IL34: variants seen among roughly 807,000 people sequenced by gnomAD.
IL34 encodes interleukin-34.
In IL34, 17 loss-of-function variants were observed where a neutral mutation model predicts 25.3. That is an observed-to-expected ratio of 0.67 (90% CI 0.46 to 1.01). IL34 has a LOEUF of 1.01. Ranked by LOEUF, IL34 falls within the 50% of genes least tolerant of loss-of-function variation. The pLI is 0.00. For synonymous variants in IL34, 174 were observed against 140.9 expected (o/e 1.23, Z -1.66); for missense variants, 368 against 312.9 (o/e 1.18, Z -1.33).
At chr16:70,633,373 C>T (rs748579174) in intron 1 of IL34, among the ~76,000 whole-genome samples, 1 of 151,950 alleles carries the variant, frequency 6.6e-6, no homozygotes, top group East Asian at 1.9e-4. Flanking sequence ...CCTGCCTCAG[C>T]CTCCTGAGTA....
intron 1 of IL34, among the ~76,000 whole-genome samples, chr16:70,651,577 C>A (rs1175623667): frequency 6.6e-6 from 1 of 151,856 alleles, no homozygotes; most frequent in Non-Finnish European, 1.5e-5. Flanking sequence ...AGGCAGGAGG[C>A]CTGAGCAGGG....
At position 70,660,175 on chromosome 16, in the gene IL34, C is replaced by T. The variant is rs780602039; in HGVS notation, c.717C>T (p.Gly239=). ...GGCCGGTCAGGGCACAGGGCGAGGG[C>T]CTCTTGCCCTGAGCACCCTGGATGG... The part of the protein sequence containing the change: ...SVRPVRAQGE[G]LLP Residue 239 remains glycine (G), a synonymous_variant, in exon 6 of 6, where the codon GGC becomes GGT. Coordinates refer to ENST00000288098, the MANE Select transcript of IL34 (RefSeq NM_001393494.1). 6.3e-7 allele frequency: 1 copy of T among 1,584,808 alleles called. No homozygotes were observed. The highest frequency in any genetic ancestry group is 8.6e-7 in the Non-Finnish European group (1 of 1,167,170).
rs8051559 is a variant in IL34 at position 70,657,690 on chromosome 16, G to T, written c.402+569G>T. On this transcript the variant is annotated intron_variant, in intron 4 of 5. Coordinates refer to ENST00000288098, the MANE Select transcript of IL34 (RefSeq NM_001393494.1). Reference sequence around the variant, plus strand: ...CTCAGGAGGCTGAGGCAGGAGAATCGCTTGAACCTGGGAGGCAGAGGTTGC... The same window carrying T: ...CTCAGGAGGCTGAGGCAGGAGAATCTCTTGAACCTGGGAGGCAGAGGTTGC... Among the ~76,000 whole-genome samples, 37 of 152,202 alleles carry T rather than the reference G, an allele frequency of 2.4e-4. No individual in the cohort carries two copies. The South Asian group carries it at 6.8e-3, about 28-fold the overall frequency.
At chr16:70,588,245 G>A (rs1283595567) in intron 1 of IL34, among the ~76,000 whole-genome samples, 2 of 152,082 alleles carry the variant, frequency 1.3e-5, no homozygotes, top group Non-Finnish European at 1.5e-5. Context: ...CAGCACTTTG[G>A]GAGGCTGAGG....
At chr16:70,629,221 A>G (rs1366945971) in intron 1 of IL34, among the ~76,000 whole-genome samples, 1 of 152,120 alleles carries the variant, frequency 6.6e-6, no homozygotes, top group Admixed American at 6.5e-5. Flanking sequence ...TGCATTGGCT[A>G]TTACCTTCTG....
At chr16:70,643,715 T>C (rs1235635257), upstream of IL34, among the ~76,000 whole-genome samples, 2 of 152,192 alleles carry the variant, frequency 1.3e-5, no homozygotes, top group Non-Finnish European at 2.9e-5. Flanking sequence ...ATGCAAATTA[T>C]ATATTGATTT....
intron 1 of IL34, among the ~76,000 whole-genome samples, chr16:70,594,863 C>T (rs1597737048): frequency 6.6e-6 from 1 of 151,938 alleles, no homozygotes; most frequent in Non-Finnish European, 1.5e-5. Flanking sequence ...CCAGTCTACT[C>T]TGGGCAGATT....
chr16:70,622,710 T>G (rs371228301), intron 1 of IL34, among the ~76,000 whole-genome samples: 1 of 152,008 alleles, frequency 6.6e-6, no homozygotes, highest in African/African-American at 2.4e-5. Flanking sequence ...ACAATGGTAA[T>G]TGTGGGACTT....
intron 1 of IL34, among the ~76,000 whole-genome samples, chr16:70,634,144 C>T (rs976855316): frequency 1.3e-5 from 2 of 152,058 alleles, no homozygotes; most frequent in Non-Finnish European, 2.9e-5. Flanking sequence ...AGCCACCGTG[C>T]CCTGCAATCT....
chr16:70,658,873 A>G (rs1391535539), intron 4 of IL34, among the ~76,000 whole-genome samples: 4 of 152,218 alleles, frequency 2.6e-5, no homozygotes, highest in Non-Finnish European at 5.9e-5. Context: ...ATCCAGGATG[A>G]TGTCCTTCTA....
At chr16:70,633,518 G>C (rs1408131864) in intron 1 of IL34, among the ~76,000 whole-genome samples, 1 of 152,114 alleles carries the variant, frequency 6.6e-6, no homozygotes, top group Non-Finnish European at 1.5e-5. Flanking sequence ...TCCAACCTCG[G>C]CCTCCCAAAG....
At chr16:70,628,093 C>G (rs1405589190) in intron 1 of IL34, among the ~76,000 whole-genome samples, 1 of 152,180 alleles carries the variant, frequency 6.6e-6, no homozygotes, top group Non-Finnish European at 1.5e-5. Flanking sequence ...TACATTGTTG[C>G]AACACTTGGA....
At chr16:70,636,070 G>T (rs1178341093) in intron 1 of IL34, among the ~76,000 whole-genome samples, 1 of 149,632 alleles carries the variant, frequency 6.7e-6, no homozygotes, top group Non-Finnish European at 1.5e-5. Context: ...AGACAGTCTC[G>T]CTCTGTTGCC....
At position 70,650,024 on chromosome 16, in the gene IL34, C is replaced by G. The variant is rs534327855; in HGVS notation, c.28+3049C>G. On this transcript the variant is annotated intron_variant, in intron 1 of 5. Transcript: ENST00000288098. ...ATGTTGGCCAGACTGGTCTTGAACTCCTGACCTCAGGTGATCCGCCCACCT... is the reference window on the plus strand; with the variant it reads ...ATGTTGGCCAGACTGGTCTTGAACTGCTGACCTCAGGTGATCCGCCCACCT... Among the ~76,000 whole-genome samples the G allele has an allele frequency of 1.5e-3, 235 of 152,278 alleles. 1 individual carries two copies. Among genetic ancestry groups the G allele is most frequent in the Non-Finnish European group, 2.0e-3 (137 of 68,020 alleles).
Position 70,646,791 on chromosome 16 carries a change from G to T in IL34, c.-157G>T. ...GGCAGCTGCTGCCCTTGGGGCACCT[G>T]CTCACTCCCGCAGCCCAGCCACTCC... is the stretch of plus-strand genomic sequence containing the variant. On this transcript the variant is annotated 5_prime_UTR_variant, in exon 1 of 6. Coordinates refer to ENST00000288098, the MANE Select transcript of IL34 (RefSeq NM_001393494.1). 1.6e-6 allele frequency: 1 copy of T among 636,788 alleles called. No individual in the cohort carries two copies. Among genetic ancestry groups the T allele is most frequent in the South Asian group, 2.2e-5 (1 of 44,450 alleles). The allele number at this position is 636,788 out of a possible 1,614,324, so 39.4% of individuals were successfully genotyped here.
intron 1 of IL34, among the ~76,000 whole-genome samples, chr16:70,647,749 A>T (rs2051975912): frequency 6.6e-6 from 1 of 152,176 alleles, no homozygotes; most frequent in Non-Finnish European, 1.5e-5. Flanking sequence ...TTGGGGTATG[A>T]GCCTGCGAGG....
chr16:70,617,218 C>T (rs185529526), intron 1 of IL34, among the ~76,000 whole-genome samples: 106 of 152,084 alleles, frequency 7.0e-4, no homozygotes, highest in African/African-American at 2.3e-3. Flanking sequence ...GGAGAAAAAC[C>T]GGTATAAAAG....
intron 1 of IL34, among the ~76,000 whole-genome samples, chr16:70,604,465 G>A (rs1382360317): frequency 6.6e-6 from 1 of 152,168 alleles, no homozygotes; most frequent in Non-Finnish European, 1.5e-5. Context: ...AAGTCAGGAA[G>A]GGGAAACCAA....
At chr16:70,610,965 CTT>C (rs966121681) in intron 1 of IL34, among the ~76,000 whole-genome samples, 1 of 122,760 alleles carries the variant, frequency 8.1e-6, no homozygotes, top group Admixed American at 8.3e-5. Context: ...GGGGCTTCTT[CTT>C]TCTTTCTTCT....
Sources: allele counts gnomAD v4.1 joint callset (sites outside exome capture counted in the v4.1 genomes callset), GRCh38; gene constraint gnomAD v4.1.1; transcripts MANE v1.5; gene names NCBI Gene and HGNC (gene_info 2026-07-23, HGNC 2026-07-21).